POLA1: variants seen among roughly 807,000 people sequenced by gnomAD.
POLA1 encodes the protein DNA polymerase alpha 1, catalytic subunit, also known as DNA polymerase alpha catalytic subunit.
POLA1 carries 15 observed loss-of-function variants against 124.0 expected under a neutral mutation model. The ratio of observed to expected loss-of-function variants is 0.12; its 90% CI spans 0.08 to 0.19. The LOEUF (loss-of-function observed/expected upper bound fraction) is 0.19, where lower values mean the gene tolerates loss of function less well. Ranked by LOEUF, POLA1 falls within the 10% of genes least tolerant of loss-of-function variation. POLA1 has a pLI of 1.00. For missense variants in POLA1, 886 were observed against 1,103.4 expected, an observed-to-expected ratio of 0.80 and a Z score of 2.79; for synonymous variants, 408 against 389.4, an observed-to-expected ratio of 1.05 and a Z score of -0.56.
intron 34 of POLA1, among the ~76,000 whole-genome samples, chrX:24,844,171 T>A (rs759345552): frequency 8.9e-6 from 1 of 111,803 alleles, no homozygotes; most frequent in South Asian, 3.7e-4. Flanking sequence ...AAATCAAATA[T>A]CTTTTAAATT....
chrX:24,760,539 G>T (rs935642783), intron 26 of POLA1, among the ~76,000 whole-genome samples: 1 of 112,052 alleles, frequency 8.9e-6, no homozygotes, highest in Non-Finnish European at 1.9e-5. Context: ...TAGCATACCC[G>T]TCACAACAGT....
intron 36 of POLA1, among the ~76,000 whole-genome samples, chrX:24,985,504 A>G (rs1232995824): frequency 8.9e-6 from 1 of 112,960 alleles, no homozygotes; most frequent in Non-Finnish European, 1.9e-5. Flanking sequence ...TAAAGGGAGT[A>G]TCTCTTTCTA....
intron 32 of POLA1, among the ~76,000 whole-genome samples, chrX:24,841,128 C>G (rs765316929): frequency 8.0e-5 from 9 of 111,954 alleles, no homozygotes; most frequent in African/African-American, 2.9e-4. Flanking sequence ...TGCATTTTGT[C>G]TCAGATGCTG....
intron 36 of POLA1, among the ~76,000 whole-genome samples, chrX:24,994,555 A>C (rs760124372): frequency 8.9e-6 from 1 of 112,221 alleles, no homozygotes; most frequent in Non-Finnish European, 1.9e-5. Flanking sequence ...CCTCAGGATC[A>C]GCTGATGTCT....
chrX:24,882,199 A>G (rs755508978), intron 34 of POLA1, among the ~76,000 whole-genome samples: 5 of 111,776 alleles, frequency 4.5e-5, no homozygotes, highest in South Asian at 3.8e-4. Flanking sequence ...AGGGCCCACT[A>G]TGTATTTGAC....
intron 16 of POLA1, among the ~76,000 whole-genome samples, chrX:24,733,280 A>G (rs1030290467): frequency 2.7e-5 from 3 of 112,241 alleles, no homozygotes; most frequent in African/African-American, 9.7e-5. Flanking sequence ...TGTAGAAGAG[A>G]GCAATCATGA....
intron 36 of POLA1, among the ~76,000 whole-genome samples, chrX:24,948,078 T>G (rs1255220492): frequency 8.9e-6 from 1 of 112,217 alleles, no homozygotes; most frequent in East Asian, 2.8e-4. Context: ...ACTCTGAAAT[T>G]CCTCTGAAAG....
intron 35 of POLA1, among the ~76,000 whole-genome samples, chrX:24,895,309 G>C (rs1036353541): frequency 2.9e-4 from 33 of 111,945 alleles, no homozygotes; most frequent in African/African-American, 1.1e-3. Context: ...TGCTCTTGTG[G>C]CTCCACAGTG....
chrX:24,825,960 C>T (rs890581851), intron 31 of POLA1, among the ~76,000 whole-genome samples: 4 of 111,823 alleles, frequency 3.6e-5, no homozygotes, highest in Admixed American at 9.5e-5. Context: ...ATATTACTCC[C>T]GGGATCTTTG....
intron 26 of POLA1, among the ~76,000 whole-genome samples, chrX:24,770,126 A>G (rs1237904157): frequency 8.9e-6 from 1 of 111,743 alleles, no homozygotes; most frequent in Non-Finnish European, 1.9e-5. Flanking sequence ...ACTTTAACAG[A>G]GAGCTCTTTC....
At chrX:24,767,284 A>G (rs745735160) in intron 26 of POLA1, among the ~76,000 whole-genome samples, 15 of 111,470 alleles carry the variant, frequency 1.3e-4, no homozygotes, top group Admixed American at 1.1e-3. Flanking sequence ...AATGCCTCCT[A>G]ATTTATTCTT....
chrX:24,941,000 G>A (rs1601891919), intron 36 of POLA1, among the ~76,000 whole-genome samples: 3 of 111,970 alleles, frequency 2.7e-5, no homozygotes, highest in African/African-American at 9.7e-5. Context: ...GTAGTTAGGG[G>A]TTATTTTAAA....
intron 36 of POLA1, among the ~76,000 whole-genome samples, chrX:24,949,561 T>TA (rs1488229746): frequency 2.0e-5 from 1 of 50,620 alleles, no homozygotes; most frequent in Non-Finnish European, 3.9e-5. Context: ...CCCTTCCCAA[T>TA]AAAAAAAGAA....
At chrX:24,858,218 T>G (rs1483730578) in intron 34 of POLA1, among the ~76,000 whole-genome samples, 1 of 112,168 alleles carries the variant, frequency 8.9e-6, no homozygotes, top group African/African-American at 3.2e-5. Flanking sequence ...TGACAAATAG[T>G]GGATCATTAG....
intron 36 of POLA1, among the ~76,000 whole-genome samples, chrX:24,957,459 T>A (rs754440393): frequency 4.5e-5 from 5 of 111,018 alleles, no homozygotes; most frequent in Admixed American, 2.9e-4. Context: ...AGCAATTCCA[T>A]TTCTAGGTGT....
chrX:24,741,509 A>G lies in POLA1; in HGVS notation c.2346+5A>G. ...AACATCGCTGGGAACATTATGGTAA[A>G]TTTAACTTAGAAAGGGGGAAAAAGC... On this transcript the variant is annotated splice_donor_5th_base_variant and intron_variant, in intron 21 of 36. Coordinates refer to ENST00000379068, the MANE Select transcript of POLA1 (RefSeq NM_001330360.2). The G allele has an allele frequency of 8.3e-7, 1 of 1,200,536 alleles. No homozygotes were observed. The highest frequency in any genetic ancestry group is 1.8e-5 in the South Asian group (1 of 56,352).
intron 34 of POLA1, among the ~76,000 whole-genome samples, chrX:24,863,013 A>G (rs1464638173): frequency 8.9e-6 from 1 of 112,168 alleles, no homozygotes; most frequent in Non-Finnish European, 1.9e-5. Context: ...TTGCCTTTCT[A>G]GTCATTTTAA....
intron 35 of POLA1, among the ~76,000 whole-genome samples, chrX:24,899,524 C>G (rs1293230435): frequency 9.0e-6 from 1 of 111,444 alleles, no homozygotes; most frequent in Admixed American, 9.6e-5. Context: ...CTAAGCCACT[C>G]AAGCCTAAAA....
intron 36 of POLA1, among the ~76,000 whole-genome samples, chrX:24,978,058 C>G (rs751694678): frequency 8.9e-6 from 1 of 112,073 alleles, no homozygotes; most frequent in Non-Finnish European, 1.9e-5. Context: ...TACTATTTTC[C>G]TCTTTCTTGG....
Sources: allele counts gnomAD v4.1 joint callset (sites outside exome capture counted in the v4.1 genomes callset), GRCh38; gene constraint gnomAD v4.1.1; transcripts MANE v1.5; gene names NCBI Gene and HGNC (gene_info 2026-07-23, HGNC 2026-07-21).